TBC1D30: variants seen among roughly 807,000 people sequenced by gnomAD.
The protein encoded by TBC1D30 is TBC1 domain family member 30.
Under a neutral mutation model 63.2 loss-of-function variants are expected in TBC1D30, and 31 were observed. That is an observed-to-expected ratio of 0.49 (90% confidence interval 0.37 to 0.66). The LOEUF is 0.66. Among genes scored for constraint, TBC1D30 ranks in the 30% least tolerant of loss-of-function variants. The probability of loss-of-function intolerance (pLI) is 0.00; values close to 1 mark genes in which losing one functional copy is unlikely to be tolerated. For synonymous variants in TBC1D30, 307 were observed against 361.5 expected, an observed-to-expected ratio of 0.85 and a Z score of 1.71; for missense variants, 810 against 953.6, an observed-to-expected ratio of 0.85 and a Z score of 1.98.
At chr12:64,806,591 G>T (rs1028328655) in intron 2 of TBC1D30, among the ~76,000 whole-genome samples, 3 of 152,166 alleles carry the variant, frequency 2.0e-5, no homozygotes, top group Non-Finnish European at 2.9e-5. Flanking sequence ...ATGTAAAATG[G>T]GGGAGCTGCT....
At chr12:64,809,518 A>G (rs1215355965) in intron 2 of TBC1D30, among the ~76,000 whole-genome samples, 1 of 152,182 alleles carries the variant, frequency 6.6e-6, no homozygotes, top group Admixed American at 6.5e-5. Context: ...GGTTGGTTCC[A>G]TATTTTCGCA....
chr12:64,847,268 C>G (rs1224840235), intron 8 of TBC1D30, among the ~76,000 whole-genome samples: 1 of 151,646 alleles, frequency 6.6e-6, no homozygotes, highest in African/African-American at 2.4e-5. Context: ...TTATTTGGAT[C>G]TTCTCTCTTT....
intron 7 of TBC1D30, 150 bp downstream of exon 7, chr12:64,839,001 T>A (rs1409503197): frequency 1.3e-6 from 1 of 758,436 alleles, no homozygotes; most frequent in South Asian, 1.9e-5. Flanking sequence ...AGCAGGCTCA[T>A]TGCTGGCACA....
chr12:64,779,660 G>T (rs1409264520), upstream of TBC1D30, among the ~76,000 whole-genome samples: 1 of 152,182 alleles, frequency 6.6e-6, no homozygotes, highest in African/African-American at 2.4e-5. Context: ...CCTTTTGGAA[G>T]TGTGGTCAAG....
chr12:64,840,004 C>CAAAAA lies in TBC1D30; in HGVS notation c.932+1173_932+1177dup, dbSNP rs60440376. Among the ~76,000 whole-genome samples, 59 of 98,302 alleles carry CAAAAA rather than the reference C, an allele frequency of 6.0e-4. 2 individuals carry two copies. The highest frequency in any genetic ancestry group is 3.0e-3 in the African/African-American group (57 of 19,314). 64.5% of individuals were successfully genotyped at this position (98,302 alleles called of 152,430 possible). A position where few individuals can be genotyped will look rare whatever the true frequency, so the allele number is the denominator to read the frequency against. Reference sequence around the variant, plus strand: ...TGGACGACAGAGCAAGACTCTGTCTCAAAAAAAAAAAAAAAAAAAAAAAAT... The same window carrying CAAAAA: ...TGGACGACAGAGCAAGACTCTGTCTCAAAAAAAAAAAAAAAAAAAAAAAAAAAAAT... On this transcript the variant is annotated intron_variant, in intron 7 of 11. Coordinates refer to ENST00000539867, the MANE Select transcript of TBC1D30 (RefSeq NM_015279.2).
upstream of TBC1D30, among the ~76,000 whole-genome samples, chr12:64,776,262 A>G (rs1049856925): frequency 4.6e-5 from 7 of 152,196 alleles, no homozygotes; most frequent in African/African-American, 1.7e-4. Context: ...AAATAACCAA[A>G]ATCAGAGGTG....
chr12:64,843,429 C>G lies in TBC1D30; in HGVS notation c.982C>G (p.Arg328Gly). The stretch of plus-strand genomic sequence containing the variant: ...AGATGAATTCTACAGCACCATGGGG[C>G]GCCTTACCCAGGAGATGCTAGAGAA... ...TADEFYSTMG[R>G]LTQEMLENDL... Residue 328 changes from arginine to glycine, a missense_variant, in exon 8 of 12, where the codon CGC (arginine) becomes GGC (glycine). By Grantham distance (125) the Arg-to-Gly change is moderately radical. Coordinates refer to ENST00000539867, the MANE Select transcript of TBC1D30 (RefSeq NM_015279.2). 6.5e-7 allele frequency: 1 copy of G among 1,536,266 alleles called. No individual in the cohort carries two copies. The highest frequency in any genetic ancestry group is 8.7e-7 in the Non-Finnish European group (1 of 1,146,922).
At chr12:64,863,536 A>C (rs190310312) in intron 8 of TBC1D30, among the ~76,000 whole-genome samples, 11 of 152,354 alleles carry the variant, frequency 7.2e-5, no homozygotes, top group Admixed American at 6.5e-4. Context: ...TTTGCACAGT[A>C]AGCGTGGAGA....
At position 64,775,102 on chromosome 12, in the gene TBC1D30, A is replaced by T. The variant is rs567565989; in HGVS notation, c.-375-10779A>T. Among the ~76,000 whole-genome samples the T allele has an allele frequency of 3.3e-3, 478 of 145,450 alleles. 4 individuals carry two copies. Among genetic ancestry groups the T allele is most frequent in the South Asian group, 0.013 (61 of 4,718 alleles). On this transcript the variant is annotated intron_variant, in intron 1 of 13. Transcript: ENST00000674237. The stretch of plus-strand genomic sequence containing the variant: ...AGTGAGACTGTGTCTCAAAAAAAAA[A>T]AAATATATATATATAGATATAGATA...
At chr12:64,817,393 C>G (rs1011179645) in intron 2 of TBC1D30, among the ~76,000 whole-genome samples, 1 of 152,200 alleles carries the variant, frequency 6.6e-6, no homozygotes, top group Non-Finnish European at 1.5e-5. Context: ...GTAACTTGCT[C>G]AAGGACATAG....
At chr12:64,844,653 A>G (rs1876200559) in intron 8 of TBC1D30, among the ~76,000 whole-genome samples, 2 of 152,204 alleles carry the variant, frequency 1.3e-5, no homozygotes, top group Non-Finnish European at 2.9e-5. Flanking sequence ...CCCACTAACT[A>G]TCTCTTCTTC....
intron 8 of TBC1D30, among the ~76,000 whole-genome samples, chr12:64,850,306 T>C (rs1340889788): frequency 6.6e-6 from 1 of 152,224 alleles, no homozygotes. Context: ...CTTCTAATAC[T>C]GTGTTGAATA....
chr12:64,832,260 C>T lies in TBC1D30; in HGVS notation c.550C>T (p.Leu184=). Residue 184 remains leucine, a synonymous_variant, in exon 5 of 12, where the codon CTA becomes TTA. Coordinates refer to ENST00000539867, the MANE Select transcript of TBC1D30 (RefSeq NM_015279.2). ...CCAAGGCTTTAACATCCTGGCTGCA[C>T]TAATTCTGGAAGTGATGGAAGGCAA... ...YCQGFNILAA[L]ILEVMEGNEG... The T allele has an allele frequency of 6.5e-7, 1 of 1,536,080 alleles. No individual in the cohort carries two copies. The highest frequency in any genetic ancestry group is 8.7e-7 in the Non-Finnish European group (1 of 1,146,904).
intron 2 of TBC1D30, among the ~76,000 whole-genome samples, chr12:64,788,796 A>G (rs1472627514): frequency 1.3e-5 from 2 of 152,188 alleles, no homozygotes; most frequent in East Asian, 1.9e-4. Flanking sequence ...GACCCTATTC[A>G]ATGGAACAGA....
intron 7 of TBC1D30, among the ~76,000 whole-genome samples, chr12:64,840,004 C>CAAAAAAAAAAAAAAAAAAAAAAAAAAAA (rs60440376): frequency 1.1e-4 from 11 of 98,322 alleles, no homozygotes; most frequent in African/African-American, 5.7e-4. Context: ...GACTCTGTCT[C>CAAAAAAAAAAAAAAAAAAAAAAAAAAAA]AAAAAAAAAA....
chr12:64,815,439 A>G (rs1416931782), intron 2 of TBC1D30, among the ~76,000 whole-genome samples: 1 of 152,222 alleles, frequency 6.6e-6, no homozygotes, highest in Admixed American at 6.5e-5. Context: ...AAGTTTAGCT[A>G]TTAAAAAAGA....
chr12:64,847,727 A>G (rs938589703), intron 8 of TBC1D30, among the ~76,000 whole-genome samples: 1 of 151,116 alleles, frequency 6.6e-6, no homozygotes, highest in Admixed American at 6.6e-5. Context: ...GTTTTATTCC[A>G]TTGTGGTCAG....
chr12:64,825,380 C>T, intron 1 of TBC1D30: 1 of 257,442 alleles, frequency 3.9e-6, no homozygotes, highest in Non-Finnish European at 7.4e-6. Flanking sequence ...CTATTGTGTT[C>T]CAGGCTCGCA....
chr12:64,859,528 G>T (rs1877601069), intron 8 of TBC1D30, among the ~76,000 whole-genome samples: 1 of 152,202 alleles, frequency 6.6e-6, no homozygotes, highest in African/African-American at 2.4e-5. Flanking sequence ...CTGTGAGGAG[G>T]CAGTGAAGGG....
Sources: allele counts gnomAD v4.1 joint callset (sites outside exome capture counted in the v4.1 genomes callset), GRCh38; gene constraint gnomAD v4.1.1; transcripts MANE v1.5; gene names NCBI Gene and HGNC (gene_info 2026-07-23, HGNC 2026-07-21).